KCNU1: variants seen among roughly 807,000 people sequenced by gnomAD.
KCNU1 encodes potassium channel subfamily U member 1.
KCNU1 carries 93 observed loss-of-function variants against 126.8 expected under a neutral mutation model. That is an observed-to-expected ratio of 0.73 (90% CI 0.62 to 0.87). The LOEUF (loss-of-function observed/expected upper bound fraction) is 0.87. Ranked by LOEUF, KCNU1 falls within the 40% of genes least tolerant of loss-of-function variation. The probability of loss-of-function intolerance (pLI) is 0.00; values close to 1 mark genes in which losing one functional copy is unlikely to be tolerated. For synonymous variants in KCNU1, 523 were observed against 494.2 expected (o/e 1.06, Z -0.77); for missense variants, 1,330 against 1,367.1 (o/e 0.97, Z 0.43).
chr8:36,887,936 T>C (rs888149723), intron 19 of KCNU1, among the ~76,000 whole-genome samples: 3 of 152,198 alleles, frequency 2.0e-5, no homozygotes, highest in Admixed American at 1.3e-4. Context: ...TCAGTAGTTA[T>C]GTTGAAACAA....
Position 36,833,607 on chromosome 8 carries a change from C to G in KCNU1, c.1160C>G (p.Thr387Arg). Residue 387 changes from threonine (T) to arginine (R), a missense_variant, in exon 11 of 27, where the codon ACA becomes AGA. Coordinates refer to ENST00000399881, the MANE Select transcript of KCNU1 (RefSeq NM_001031836.3). ...ETIFKCYLAY[T>R]TFISGSAMKW... ...ATATTTAAATGCTACTTGGCCTACACAACGTTCATTTCTGGATCTGCAATG... is the reference window on the plus strand; with the variant it reads ...ATATTTAAATGCTACTTGGCCTACAGAACGTTCATTTCTGGATCTGCAATG... The G allele has an allele frequency of 1.2e-6, 2 of 1,612,614 alleles. No homozygotes were observed. Among genetic ancestry groups the G allele is most frequent in the African/African-American group, 1.3e-5 (1 of 74,980 alleles).
rs533189707 is a variant in KCNU1 at position 36,851,664 on chromosome 8, T to C, written c.1891+5765T>C. On this transcript the variant is annotated intron_variant, in intron 18 of 26. Transcript: ENST00000399881. Reference sequence around the variant, plus strand: ...ACAGTGTTTTATAGTTTTCACATCATAGGTTTTGTACTACTTTTGTTAATT... The same window carrying C: ...ACAGTGTTTTATAGTTTTCACATCACAGGTTTTGTACTACTTTTGTTAATT... Among the ~76,000 whole-genome samples, 20 of 152,318 alleles carry C rather than the reference T, an allele frequency of 1.3e-4. 1 individual carries two copies. The South Asian group carries it at 3.3e-3, about 25-fold the overall frequency.
At chr8:36,805,470 A>T (rs1282661750) in intron 4 of KCNU1, among the ~76,000 whole-genome samples, 185 bp downstream of exon 4, 1 of 152,196 alleles carries the variant, frequency 6.6e-6, no homozygotes, top group African/African-American at 2.4e-5. Flanking sequence ...TGAAACGCTA[A>T]ACCAGGTTAA....
At chr8:36,871,774 T>C (rs372765258) in intron 19 of KCNU1, among the ~76,000 whole-genome samples, 3 of 152,318 alleles carry the variant, frequency 2.0e-5, no homozygotes, top group Admixed American at 6.5e-5. Context: ...ATCATTGCGA[T>C]AAAAATTACT....
intron 16 of KCNU1, among the ~76,000 whole-genome samples, 169 bp downstream of exon 16, chr8:36,841,172 G>C (rs1373532939): frequency 6.6e-6 from 1 of 151,198 alleles, no homozygotes; most frequent in Non-Finnish European, 1.5e-5. Context: ...CCTCTGCTGT[G>C]CTGTCTCTGA....
chr8:36,803,944 T>TA (rs1803403493), intron 2 of KCNU1, 83 bp from the exon 3 acceptor site: 2 of 895,206 alleles, frequency 2.2e-6, no homozygotes, highest in Admixed American at 4.0e-5. Context: ...ACAGGCATGG[T>TA]AAAAAGAGAA....
At chr8:36,884,771 A>T (rs79139764) in intron 19 of KCNU1, among the ~76,000 whole-genome samples, 2,584 of 151,658 alleles carry the variant, frequency 0.017, 80 homozygotes, top group African/African-American at 0.058. Context: ...AAAAATAAAA[A>T]CCAGGAAAAA....
At chr8:36,853,515 C>T (rs1323855541) in intron 18 of KCNU1, among the ~76,000 whole-genome samples, 1 of 151,914 alleles carries the variant, frequency 6.6e-6, no homozygotes, top group East Asian at 1.9e-4. Context: ...GTTTTTGACC[C>T]ATTGTTAAGA....
At chr8:36,838,549 T>G (rs745326583) in intron 14 of KCNU1, among the ~76,000 whole-genome samples, 1 of 151,892 alleles carries the variant, frequency 6.6e-6, no homozygotes, top group Non-Finnish European at 1.5e-5. Context: ...ATAAAAAAAT[T>G]AGCCAGGCAT....
chr8:36,795,080 C>T (rs536781945), intron 2 of KCNU1, among the ~76,000 whole-genome samples: 1 of 152,194 alleles, frequency 6.6e-6, no homozygotes, highest in Admixed American at 6.5e-5. Context: ...GCAGGGAGAG[C>T]TAATTCTACC....
intron 10 of KCNU1, among the ~76,000 whole-genome samples, chr8:36,827,112 T>C (rs1169319375): frequency 6.6e-6 from 1 of 152,208 alleles, no homozygotes; most frequent in African/African-American, 2.4e-5. Flanking sequence ...ATGGAAACAC[T>C]GTTAACTTAG....
At chr8:36,831,803 C>T (rs1374956456) in intron 10 of KCNU1, among the ~76,000 whole-genome samples, 1 of 150,206 alleles carries the variant, frequency 6.7e-6, no homozygotes, top group African/African-American at 2.5e-5. Flanking sequence ...GTTGCCATTG[C>T]TTTTGGTGTT....
At chr8:36,816,101 A>ATAAT (rs3085732) in intron 9 of KCNU1, among the ~76,000 whole-genome samples, 45,571 of 151,806 alleles carry the variant, frequency 0.3, 7,740 homozygotes, top group African/African-American at 0.44. Context: ...CCAATTTAAA[A>ATAAT]TAATTTAGTT....
intron 12 of KCNU1, among the ~76,000 whole-genome samples, chr8:36,835,194 C>A (rs1012838203): frequency 1.3e-5 from 2 of 152,178 alleles, no homozygotes. Flanking sequence ...CTAATATCCT[C>A]TCCTCAAAAA....
intron 24 of KCNU1, 58 bp from the exon 25 acceptor site, chr8:36,930,893 T>A: frequency 7.8e-7 from 1 of 1,287,826 alleles, no homozygotes; most frequent in Non-Finnish European, 1.1e-6. Flanking sequence ...CCTTTACCCC[T>A]CCACAGTTCA....
At chr8:36,859,455 A>T (rs917176902) in intron 18 of KCNU1, among the ~76,000 whole-genome samples, 1 of 152,070 alleles carries the variant, frequency 6.6e-6, no homozygotes, top group African/African-American at 2.4e-5. Context: ...ACTATACTCA[A>T]TGAGAACCCA....
At position 36,815,674 on chromosome 8, in the gene KCNU1, C is replaced by T. The variant is rs762336339; in HGVS notation, c.982C>T (p.Leu328Phe). ...GAAATACACCAGTTCCTATGAAGCA[C>T]TCAAAGGAAAGAAGTAAGTAGTGTT... ...KRKYTSSYEA[L>F]KGKKFIVVCG... Residue 328 changes from leucine to phenylalanine, a missense_variant, in exon 9 of 27, where the codon CTC becomes TTC. By Grantham distance (22) the Leu-to-Phe change is conservative. This residue lies in a region of KCNU1 where 1,054 missense variants were observed against 1,053.9 expected (regional missense o/e 1.00). Transcript: ENST00000399881. 1.9e-6 allele frequency: 3 copies of T among 1,566,474 alleles called. No homozygotes were observed. Among genetic ancestry groups the T allele is most frequent in the Non-Finnish European group, 2.6e-6 (3 of 1,145,622 alleles).
chr8:36,882,638 C>T (rs765495914), intron 19 of KCNU1, among the ~76,000 whole-genome samples: 1 of 151,966 alleles, frequency 6.6e-6, no homozygotes, highest in African/African-American at 2.4e-5. Flanking sequence ...GGCTGGAGTA[C>T]AGTGGCACGA....
At chr8:36,786,287 T>A (rs947407303) in intron 1 of KCNU1, among the ~76,000 whole-genome samples, 6 of 152,190 alleles carry the variant, frequency 3.9e-5, no homozygotes, top group Admixed American at 1.3e-4. Flanking sequence ...TAGCTCCAAT[T>A]TTATGATGGA....
Sources: allele counts gnomAD v4.1 joint callset (sites outside exome capture counted in the v4.1 genomes callset), GRCh38; gene constraint gnomAD v4.1.1; regional missense constraint gnomAD v4.1.1; transcripts MANE v1.5; gene names NCBI Gene and HGNC (gene_info 2026-07-23, HGNC 2026-07-21).